The following LANCL2 variants were observed in gnomAD, a reference collection of about 807,000 sequenced individuals.
The protein encoded by LANCL2 is LanC like glutathione S-transferase 2, also known as lanC-like protein 2.
In LANCL2, 33 loss-of-function variants were observed where a neutral mutation model predicts 56.9. The ratio of observed to expected loss-of-function variants is 0.58; its 90% CI spans 0.44 to 0.78. The LOEUF is 0.78. LANCL2 is among the 30% of genes least tolerant of loss of function. The pLI, the probability that LANCL2 is intolerant of heterozygous loss-of-function variation, is 0.00. For synonymous variants in LANCL2, 233 were observed against 228.2 expected (o/e 1.02, Z -0.19); for missense variants, 562 against 580.2 (o/e 0.97, Z 0.32).
Position 55,398,457 on chromosome 7 carries a change from C to G in LANCL2, c.357C>G (p.Val119=). 1 of 1,614,096 alleles carries G rather than the reference C, an allele frequency of 6.2e-7. No individual in the cohort carries two copies. The highest frequency in any genetic ancestry group is 8.5e-7 in the Non-Finnish European group (1 of 1,179,996). ...IALLYLQLYR[V]TCDQTYLLRS... ...TTTTGTACCTGCAGTTGTACCGGGT[C>G]ACATGTGACCAAACCTACCTGCTCC... Residue 119 remains valine, a synonymous_variant, in exon 3 of 9, where the codon GTC becomes GTG. Coordinates refer to ENST00000254770, the MANE Select transcript of LANCL2 (RefSeq NM_018697.4).
intron 6 of LANCL2, among the ~76,000 whole-genome samples, chr7:55,424,078 C>T (rs1790636860): frequency 6.6e-6 from 1 of 152,154 alleles, no homozygotes; most frequent in African/African-American, 2.4e-5. Flanking sequence ...TGACCTGCCA[C>T]CCAAGTAGTG....
intron 1 of LANCL2, among the ~76,000 whole-genome samples, chr7:55,384,427 C>T (rs1790102757): frequency 6.6e-6 from 1 of 152,138 alleles, no homozygotes; most frequent in African/African-American, 2.4e-5. Flanking sequence ...TGGCGGGCAC[C>T]TGTAGTCCCA....
intron 1 of LANCL2, among the ~76,000 whole-genome samples, chr7:55,374,203 A>G (rs181133175): frequency 6.6e-6 from 1 of 152,336 alleles, no homozygotes; most frequent in East Asian, 1.9e-4. Context: ...TTGCAATTGT[A>G]AACTTCCTTG....
In LANCL2 at chr7:55,431,717, G is replaced by C. The variant is rs1485944086; in HGVS notation, c.*397G>C. 1 of 163,690 alleles carries C rather than the reference G, an allele frequency of 6.1e-6. No individual in the cohort carries two copies. The highest frequency in any genetic ancestry group is 2.4e-5 in the African/African-American group (1 of 41,768). 10.1% of individuals were successfully genotyped at this position (163,690 alleles called of 1,614,324 possible). Reference sequence around the variant, plus strand: ...ATATTGACAAATGAGGGAACAGGTGGTGTCTATCTTGTATATCAGAAAGAT... The same window carrying C: ...ATATTGACAAATGAGGGAACAGGTGCTGTCTATCTTGTATATCAGAAAGAT... On this transcript the variant is annotated 3_prime_UTR_variant, in exon 9 of 9. Coordinates refer to ENST00000254770, the MANE Select transcript of LANCL2 (RefSeq NM_018697.4).
intron 1 of LANCL2, among the ~76,000 whole-genome samples, chr7:55,370,478 G>C (rs182183407): frequency 3.9e-5 from 6 of 152,318 alleles, no homozygotes; most frequent in Non-Finnish European, 5.9e-5. Context: ...ACTTGTCAGA[G>C]AGGTCATTGC....
Position 55,365,805 on chromosome 7 carries a change from GGCAGAGGCACAGC to G in LANCL2, c.-218_-206del. On this transcript the variant is annotated 5_prime_UTR_variant, in exon 1 of 9. Transcript: ENST00000254770. ...AGCAGGGCAAAGGCGCCAGGAACAG[GGCAGAGGCACAGC>G]GCCCACCGCCTCTGCGGCCGCCTGA... The G allele has an allele frequency of 2.3e-6, 1 of 432,900 alleles. No homozygotes were observed. The allele number at this position is 432,900 out of a possible 1,614,324, so 26.8% of individuals were successfully genotyped here.
At chr7:55,403,568 TG>T (rs1410998068) in intron 5 of LANCL2, among the ~76,000 whole-genome samples, 20 of 140,116 alleles carry the variant, frequency 1.4e-4, no homozygotes, top group Non-Finnish European at 2.4e-4. Context: ...GTTTGTTTGT[TG>T]TTTTTTTTTT....
At chr7:55,429,340 C>CA (rs1790702942) in intron 8 of LANCL2, among the ~76,000 whole-genome samples, 2 of 151,954 alleles carry the variant, frequency 1.3e-5, no homozygotes, top group Non-Finnish European at 2.9e-5. Context: ...AAATAAATTC[C>CA]GTTTTTAAAA....
chr7:55,370,459 A>G (rs1010290430), intron 1 of LANCL2, among the ~76,000 whole-genome samples: 6 of 152,246 alleles, frequency 3.9e-5, no homozygotes, highest in African/African-American at 9.6e-5. Flanking sequence ...GCCAGGGCTG[A>G]AATCTTGAAC....
intron 6 of LANCL2, among the ~76,000 whole-genome samples, chr7:55,423,981 C>G (rs1790635467): frequency 6.6e-6 from 1 of 152,144 alleles, no homozygotes; most frequent in African/African-American, 2.4e-5. Flanking sequence ...GTTCTCATGC[C>G]CTGCCCCCCA....
chr7:55,414,095 G>A (rs974901027), intron 6 of LANCL2, among the ~76,000 whole-genome samples: 11 of 152,154 alleles, frequency 7.2e-5, no homozygotes, highest in Admixed American at 5.9e-4. Context: ...AAAGGAAAAA[G>A]CATATGTAAT....
intron 1 of LANCL2, among the ~76,000 whole-genome samples, chr7:55,378,093 C>T (rs1053553220): frequency 1.3e-5 from 2 of 152,156 alleles, no homozygotes; most frequent in African/African-American, 2.4e-5. Flanking sequence ...AATGATGTGA[C>T]GATTAATTGA....
At chr7:55,377,903 A>G (rs548540435) in intron 1 of LANCL2, among the ~76,000 whole-genome samples, 21 of 152,336 alleles carry the variant, frequency 1.4e-4, no homozygotes, top group African/African-American at 4.6e-4. Context: ...GAAGGCTGTA[A>G]GTCCTGAACA....
At chr7:55,392,831 G>A (rs1790207629) in intron 2 of LANCL2, among the ~76,000 whole-genome samples, 1 of 152,014 alleles carries the variant, frequency 6.6e-6, no homozygotes, top group Admixed American at 6.6e-5. Flanking sequence ...TAACTATTAA[G>A]AGCAAACTTT....
chr7:55,390,385 C>T (rs1194713228), intron 1 of LANCL2, among the ~76,000 whole-genome samples: 1 of 152,162 alleles, frequency 6.6e-6, no homozygotes, highest in African/African-American at 2.4e-5. Context: ...GTGGGTGGAT[C>T]ACTTGAGGTC....
At chr7:55,416,935 G>T in intron 6 of LANCL2, among the ~76,000 whole-genome samples, 1 of 132,826 alleles carries the variant, frequency 7.5e-6, no homozygotes, top group African/African-American at 2.8e-5. Context: ...CTCAAATTAA[G>T]TTTTGTATAT....
intron 5 of LANCL2, among the ~76,000 whole-genome samples, chr7:55,402,689 G>A (rs1438287495): frequency 2.4e-5 from 3 of 123,550 alleles, no homozygotes; most frequent in Admixed American, 1.5e-4. Context: ...GCGGCTGGCC[G>A]GGCGGGGGGC....
intron 4 of LANCL2, 23 bp downstream of exon 4, chr7:55,400,127 A>G (rs774918093): frequency 8.4e-6 from 13 of 1,547,874 alleles, no homozygotes; most frequent in Non-Finnish European, 1.1e-5. Context: ...ATGGGTAACT[A>G]TGGGCGTCTC....
At chr7:55,411,867 C>T in intron 5 of LANCL2, 40 bp from the exon 6 acceptor site, 1 of 1,566,764 alleles carries the variant, frequency 6.4e-7, no homozygotes, top group Non-Finnish European at 8.7e-7. Flanking sequence ...GAAATAACTT[C>T]AGAGAAAATA....
Sources: allele counts gnomAD v4.1 joint callset (sites outside exome capture counted in the v4.1 genomes callset), GRCh38; gene constraint gnomAD v4.1.1; transcripts MANE v1.5; gene names NCBI Gene and HGNC (gene_info 2026-07-23, HGNC 2026-07-21).